DRC7: variants seen among roughly 807,000 people sequenced by gnomAD.
DRC7 encodes dynein regulatory complex subunit 7.
Under a neutral mutation model 104.4 loss-of-function variants are expected in DRC7, and 80 were observed. That is an observed-to-expected ratio of 0.77 (90% CI 0.64 to 0.92). The LOEUF is 0.92. DRC7 is among the 40% of genes least tolerant of loss of function. The probability of loss-of-function intolerance (pLI) is 0.00; values close to 1 mark genes in which losing one functional copy is unlikely to be tolerated. For synonymous variants in DRC7, 405 were observed against 447.3 expected (o/e 0.91, Z 1.19); for missense variants, 1,034 against 1,141.1 (o/e 0.91, Z 1.35).
chr16:57,729,106 G>A (rs1224268068), intron 17 of DRC7, among the ~76,000 whole-genome samples: 6 of 148,762 alleles, frequency 4.0e-5, no homozygotes, highest in Non-Finnish European at 7.4e-5. Flanking sequence ...GGATGAGTGG[G>A]TGGATGGATG....
At position 57,707,509 on chromosome 16, in the gene DRC7, C is replaced by T; in HGVS notation, c.908C>T (p.Ser303Phe). 6.2e-7 allele frequency: 1 copy of T among 1,613,458 alleles called. No homozygotes were observed. Among genetic ancestry groups the T allele is most frequent in the South Asian group, 1.1e-5 (1 of 91,090 alleles). ...GCCCTGCACGGCCTGCGGGTGCACT[C>T]CTGGGTCCTTGTGCTATCGGGGAAG... ...PDALHGLRVHSWVLVLSGKRE... is the reference protein window; with the variant it reads ...PDALHGLRVHFWVLVLSGKRE... Residue 303 changes from serine (S) to phenylalanine (F), a missense_variant, in exon 8 of 19, where the codon TCC becomes TTC. Transcript: ENST00000360716.
chr16:57,729,576 GGATGAGT>G (rs1395849791), intron 17 of DRC7, among the ~76,000 whole-genome samples: 9 of 107,672 alleles, frequency 8.4e-5, no homozygotes, highest in African/African-American at 2.4e-4. Flanking sequence ...GTGGGTGGAT[GGATGAGT>G]GGGTGGGTGG....
chr16:57,714,607 CAG>C (rs771013665), intron 8 of DRC7: 79 of 170,056 alleles, frequency 4.6e-4, no homozygotes, highest in South Asian at 1.8e-3. Context: ...GCCTGGGCAA[CAG>C]AGAGAGAGAG....
intron 1 of DRC7, 61 bp from the exon 2 acceptor site, chr16:57,696,403 G>A (rs1310915580): frequency 6.6e-6 from 1 of 152,238 alleles, no homozygotes; most frequent in Non-Finnish European, 1.5e-5. Context: ...CACATTCCAG[G>A]TGGGAGGAGG....
chr16:57,728,412 A>T lies in DRC7; in HGVS notation c.2219A>T (p.His740Leu). The T allele has an allele frequency of 6.2e-6, 10 of 1,604,542 alleles. No individual in the cohort carries two copies. The highest frequency in any genetic ancestry group is 8.5e-6 in the Non-Finnish European group (10 of 1,175,280). Residue 740 changes from histidine (H) to leucine (L), a missense_variant, in exon 17 of 19, where the codon CAC (histidine) becomes CTC (leucine). Coordinates refer to ENST00000360716, the MANE Select transcript of DRC7 (RefSeq NM_001289162.2). ...CAGGAGCGCATGATGCACGAAGAGC[A>T]CCTGCGGCAGGTGGAGACCCAGCTG... ...EAMERMMHEE[H>L]LRQVETQLDY...
chr16:57,728,709 A>G (rs1215199994), intron 17 of DRC7, 125 bp downstream of exon 17: 12 of 675,990 alleles, frequency 1.8e-5, no homozygotes, highest in South Asian at 1.0e-4. Context: ...GAATATGTCA[A>G]TGCTTGGGGT....
intron 15 of DRC7, 100 bp downstream of exon 15, chr16:57,727,042 G>C (rs2048977242): frequency 1.3e-6 from 1 of 777,676 alleles, no homozygotes. Context: ...CGCAATTATG[G>C]CTCTACATCC....
At chr16:57,703,347 G>A (rs1237355291) in intron 6 of DRC7, among the ~76,000 whole-genome samples, 2 of 152,064 alleles carry the variant, frequency 1.3e-5, no homozygotes, top group African/African-American at 4.8e-5. Context: ...AATCACAAAT[G>A]CATCTCTTTA....
At chr16:57,729,088 AG>A (rs2049011890) in intron 17 of DRC7, among the ~76,000 whole-genome samples, 1 of 100,184 alleles carries the variant, frequency 1.0e-5, no homozygotes, top group African/African-American at 3.9e-5. Flanking sequence ...ATGAGTGGGT[AG>A]GTGGATGGAT....
chr16:57,722,961 G>C (rs1426738170), intron 11 of DRC7, 41 bp from the exon 12 acceptor site: 1 of 1,613,482 alleles, frequency 6.2e-7, no homozygotes, highest in Non-Finnish European at 8.5e-7. Flanking sequence ...GAAGGCTAGG[G>C]GAGCTGGCCT....
chr16:57,718,604 G>T (rs62039922), intron 9 of DRC7, 129 bp downstream of exon 9: 1 of 1,143,700 alleles, frequency 8.7e-7, no homozygotes, highest in East Asian at 2.4e-5. Context: ...GTTCCTCAAA[G>T]CAGGAAGGCT....
In DRC7 at chr16:57,698,038, A is replaced by G; in HGVS notation, c.89A>G (p.Lys30Arg). ...AEWAEWARME[K>R]MMRPVEVRKE... ...TGGGCTGAATGGGCGAGGATGGAGA[A>G]AATGATGAGGCCAGTTGAGGTGCGG... Residue 30 changes from lysine (K) to arginine (R), a missense_variant, in exon 3 of 19, where the codon AAA becomes AGA. Lys to Arg is a conservative substitution (Grantham distance 26). Coordinates refer to ENST00000360716, the MANE Select transcript of DRC7 (RefSeq NM_001289162.2). 1 of 1,614,090 alleles carries G rather than the reference A, an allele frequency of 6.2e-7. No homozygotes were observed. Among genetic ancestry groups the G allele is most frequent in the Non-Finnish European group, 8.5e-7 (1 of 1,180,020 alleles).
chr16:57,729,467 T>C (rs1286746200), intron 17 of DRC7, among the ~76,000 whole-genome samples: 5 of 124,670 alleles, frequency 4.0e-5, no homozygotes, highest in African/African-American at 1.5e-4. Flanking sequence ...GATGAGTGAG[T>C]GGGTGGGTGG....
intron 18 of DRC7, 43 bp from the exon 19 acceptor site, chr16:57,731,122 C>T: frequency 6.2e-7 from 1 of 1,613,694 alleles, no homozygotes; most frequent in Non-Finnish European, 8.5e-7. Context: ...GGACCACCAG[C>T]TTTGTAACCC....
At chr16:57,702,724 C>G (rs2148734393) in intron 6 of DRC7, among the ~76,000 whole-genome samples, 2 of 152,252 alleles carry the variant, frequency 1.3e-5, no homozygotes, top group Non-Finnish European at 2.9e-5. Flanking sequence ...TCACTTGAAA[C>G]CCGGGAGGCA....
intron 8 of DRC7, chr16:57,714,924 G>T (rs1597803874): frequency 8.9e-6 from 3 of 336,496 alleles, no homozygotes; most frequent in East Asian, 1.8e-4. Context: ...ATCCCTTTGG[G>T]AAGACTTGTT....
At chr16:57,711,109 G>A (rs749756337) in intron 8 of DRC7, among the ~76,000 whole-genome samples, 52 of 152,178 alleles carry the variant, frequency 3.4e-4, no homozygotes, top group Admixed American at 4.6e-4. Context: ...TCTGGGGCTG[G>A]AATTTTCTTT....
At chr16:57,721,612 T>A (rs1469852541) in intron 9 of DRC7, 55 bp from the exon 10 acceptor site, 1 of 1,394,182 alleles carries the variant, frequency 7.2e-7, no homozygotes, top group Non-Finnish European at 1.0e-6. Context: ...GACCATAACT[T>A]CTGCTTCAAC....
In DRC7 at chr16:57,731,303, C is replaced by T. The variant is rs2049060004; in HGVS notation, c.*45C>T. On this transcript the variant is annotated 3_prime_UTR_variant, in exon 19 of 19. Transcript: ENST00000360716. ...GCCAGAGCTGCCAGAGAAAGGAAAC[C>T]TCTTCCCGCAGCCTGGCTCCTGTGT... is the stretch of plus-strand genomic sequence containing the variant. 6.7e-7 allele frequency: 1 copy of T among 1,490,740 alleles called. No individual in the cohort carries two copies. Among genetic ancestry groups the T allele is most frequent in the Non-Finnish European group, 9.3e-7 (1 of 1,070,546 alleles). The allele number at this position is 1,490,740 out of a possible 1,614,324, so 92.3% of individuals were successfully genotyped here.
Sources: allele counts gnomAD v4.1 joint callset (sites outside exome capture counted in the v4.1 genomes callset), GRCh38; gene constraint gnomAD v4.1.1; transcripts MANE v1.5; gene names NCBI Gene and HGNC (gene_info 2026-07-23, HGNC 2026-07-21).